Variants in IGHMBP2 observed in about 807,000 individuals in gnomAD.
IGHMBP2 encodes the protein immunoglobulin mu DNA binding protein 2.
IGHMBP2 carries 81 observed loss-of-function variants against 96.0 expected under a neutral mutation model. The ratio of observed to expected loss-of-function variants is 0.84; its 90% CI spans 0.71 to 1.01. IGHMBP2 has a LOEUF of 1.01. Among genes scored for constraint, IGHMBP2 ranks in the 50% least tolerant of loss-of-function variants. The probability of loss-of-function intolerance (pLI) is 0.00; values close to 1 mark genes in which losing one functional copy is unlikely to be tolerated. For missense variants in IGHMBP2, 1,227 were observed against 1,306.3 expected, an observed-to-expected ratio of 0.94 and a Z score of 0.94; for synonymous variants, 557 against 548.9, an observed-to-expected ratio of 1.01 and a Z score of -0.21.
chr11:68,930,328 A>C, intron 8 of IGHMBP2: 1 of 1,289,796 alleles, frequency 7.8e-7, no homozygotes, highest in African/African-American at 1.5e-5. Context: ...TGTAGAAGCT[A>C]TGAACTCGGA....
chr11:68,935,431 C>G lies in IGHMBP2; in HGVS notation c.1756+9C>G, dbSNP rs747986999. The G allele has an allele frequency of 1.2e-6, 2 of 1,613,850 alleles. No homozygotes were observed. The highest frequency in any genetic ancestry group is 1.7e-6 in the Non-Finnish European group (2 of 1,179,984). ...CAGATCCAACAGGAAAGGTACGGAG[C>G]CCTCGCCAGAGTCCTTTGGGGACAG... On this transcript the variant is annotated intron_variant, in intron 12 of 14. Transcript: ENST00000255078.
intron 6 of IGHMBP2, 142 bp downstream of exon 6, chr11:68,915,165 CCTTTTTTTTTTTT>C: frequency 1.1e-5 from 3 of 265,074 alleles, no homozygotes; most frequent in Non-Finnish European, 2.0e-5. Flanking sequence ...ATTGGGCTGC[CCTTTTTTTTTTTT>C]TTTTTTTTTT....
At chr11:68,933,766 G>C (rs774137603) in intron 9 of IGHMBP2, 29 bp from the exon 10 acceptor site, 2 of 1,560,510 alleles carry the variant, frequency 1.3e-6, no homozygotes, top group Non-Finnish European at 1.8e-6. Context: ...GTGGCCCCCT[G>C]ATGTGCTCCC....
chr11:68,910,068 G>A (rs1026357123), intron 4 of IGHMBP2, among the ~76,000 whole-genome samples: 1 of 152,172 alleles, frequency 6.6e-6, no homozygotes, highest in African/African-American at 2.4e-5. Context: ...CGGTGGCTTT[G>A]GCCAAGCCTC....
Position 68,903,919 on chromosome 11 carries a change from C to T in IGHMBP2, c.-34C>T, listed in dbSNP as rs199806263. The stretch of plus-strand genomic sequence containing the variant: ...ACACCGGCCCGGCGCAGAAGCGGGA[C>T]GTCGGCTTCTAGGGGCCCAGGCCGG... On this transcript the variant is annotated 5_prime_UTR_variant, in exon 1 of 15. It adds an upstream start codon to the 5' untranslated region. Coordinates refer to ENST00000255078, the MANE Select transcript of IGHMBP2 (RefSeq NM_002180.3). 1.7e-5 allele frequency: 27 copies of T among 1,599,544 alleles called. No individual in the cohort carries two copies. The Admixed American group carries it at 3.1e-4, about 18-fold the overall frequency.
rs182616335 is a variant in IGHMBP2, at chr11:68,912,192, C to T, written c.711+589C>T. ...CAGGCTAGAGTCTGGAGTGCAGGGG[C>T]GGGATCTTGGCTCCCTGCAACCTCC... On this transcript the variant is annotated intron_variant, in intron 5 of 14. Coordinates refer to ENST00000255078, the MANE Select transcript of IGHMBP2 (RefSeq NM_002180.3). 2.3e-3 allele frequency among the ~76,000 whole-genome samples: 354 copies of T among 152,224 alleles called. 5 individuals carry two copies. The highest frequency in any genetic ancestry group is 0.016 in the South Asian group (75 of 4,826).
At chr11:68,932,652 TGACTGCTCACA>T (rs1859358428) in intron 8 of IGHMBP2, 2 of 154,438 alleles carry the variant, frequency 1.3e-5, no homozygotes, top group African/African-American at 4.8e-5. Flanking sequence ...GGAGTGGACT[TGACTGCTCACA>T]GTTGGAGCAT....
chr11:68,936,730 C>T lies in IGHMBP2; in HGVS notation c.2250C>T (p.Leu750=). The T allele has an allele frequency of 6.2e-7, 1 of 1,614,092 alleles. No individual in the cohort carries two copies. Among genetic ancestry groups the T allele is most frequent in the Non-Finnish European group, 8.5e-7 (1 of 1,180,040 alleles). Residue 750 remains leucine, a synonymous_variant, in exon 13 of 15, where the codon CTC becomes CTT. Transcript: ENST00000255078. ...TGCAGTTGGAGTTTCCTCCTTCCCT[C>T]AATTCCCACGACAGGCTGCGGGTCC... ...KKMQLEFPPS[L]NSHDRLRVHQ... is the part of the protein sequence containing the mutation.
intron 2 of IGHMBP2, among the ~76,000 whole-genome samples, chr11:68,906,853 G>T (rs1341076415): frequency 1.3e-5 from 2 of 151,898 alleles, no homozygotes; most frequent in Non-Finnish European, 2.9e-5. Flanking sequence ...TGTTGTTCAG[G>T]CTGGTCTCGA....
chr11:68,910,290 TA>T (rs1439038929), intron 4 of IGHMBP2, among the ~76,000 whole-genome samples: 2 of 152,362 alleles, frequency 1.3e-5, no homozygotes, highest in African/African-American at 4.8e-5. Context: ...TTCTATGAAA[TA>T]TTTACTGAAG....
chr11:68,931,164 A>G (rs1020948038), intron 8 of IGHMBP2, among the ~76,000 whole-genome samples: 6 of 152,162 alleles, frequency 3.9e-5, no homozygotes, highest in African/African-American at 7.2e-5. Flanking sequence ...CTTGGCTCCA[A>G]TCCCACTCTG....
At chr11:68,926,050 C>T (rs959403611) in intron 7 of IGHMBP2, 1 of 152,084 alleles carries the variant, frequency 6.6e-6, no homozygotes, top group Non-Finnish European at 1.5e-5. Flanking sequence ...CTCTCGTCTC[C>T]ATCTACAACT....
intron 8 of IGHMBP2, among the ~76,000 whole-genome samples, chr11:68,931,894 T>C (rs978198214): frequency 3.3e-5 from 5 of 151,660 alleles, no homozygotes; most frequent in African/African-American, 1.2e-4. Flanking sequence ...GGGAAGACGT[T>C]GGGTGGCGTT....
intron 7 of IGHMBP2, among the ~76,000 whole-genome samples, chr11:68,919,278 GTCCCCA>G (rs1171372665): frequency 1.5e-5 from 2 of 136,766 alleles, no homozygotes; most frequent in South Asian, 2.5e-4. Context: ...CCTCATCCCT[GTCCCCA>G]TCCCCATCCC....
chr11:68,917,708 A>G (rs1187481539), intron 6 of IGHMBP2, 28 bp from the exon 7 acceptor site: 1 of 1,587,664 alleles, frequency 6.3e-7, no homozygotes, highest in Non-Finnish European at 8.6e-7. Flanking sequence ...GACTGAAGTA[A>G]GTGTATCTCC....
chr11:68,908,180 G>T lies in IGHMBP2; in HGVS notation c.292G>T (p.Gly98Cys), dbSNP rs1858277137. ...GGGCCTGTACGATGCTGCTAATGAG[G>T]GCAGTCAGCTGGCCACTGGGATCTT... is the stretch of plus-strand genomic sequence containing the variant. ...IVGLYDAANEGSQLATGILTR... is the reference protein window; with the variant it reads ...IVGLYDAANECSQLATGILTR... The change falls in exon 3 of 15, where the codon GGC (glycine) becomes TGC (cysteine). Residue 98 changes from glycine (G) to cysteine (C), a missense_variant. Coordinates refer to ENST00000255078, the MANE Select transcript of IGHMBP2 (RefSeq NM_002180.3). 6.2e-7 allele frequency: 1 copy of T among 1,613,882 alleles called. No homozygotes were observed.
At chr11:68,904,803 C>CTTTTCTTTTATTTTTTTT (rs892709461) in intron 1 of IGHMBP2, among the ~76,000 whole-genome samples, 4 of 120,988 alleles carry the variant, frequency 3.3e-5, no homozygotes, top group East Asian at 4.5e-4. Context: ...TTTTCTTTTT[C>CTTTTCTTTTATTTTTTTT]TTTTTTTTTT....
At chr11:68,915,166 C>CTTTTTTTTTTTTTTTGTTTTT (rs1858606545) in intron 6 of IGHMBP2, 143 bp downstream of exon 6, 1 of 176,576 alleles carries the variant, frequency 5.7e-6, no homozygotes, top group Non-Finnish European at 9.5e-6. Flanking sequence ...TTGGGCTGCC[C>CTTTTTTTTTTTTTTTGTTTTT]TTTTTTTTTT....
intron 7 of IGHMBP2, among the ~76,000 whole-genome samples, chr11:68,920,126 T>C (rs1858825466): frequency 6.6e-6 from 1 of 152,268 alleles, no homozygotes; most frequent in Non-Finnish European, 1.5e-5. Flanking sequence ...TTTATTATTT[T>C]ACATACCTCA....
Sources: allele counts gnomAD v4.1 joint callset (sites outside exome capture counted in the v4.1 genomes callset), GRCh38; gene constraint gnomAD v4.1.1; transcripts MANE v1.5; gene names NCBI Gene and HGNC (gene_info 2026-07-23, HGNC 2026-07-21).